BCLAF1: variants seen among roughly 807,000 people sequenced by gnomAD.
The protein encoded by BCLAF1 is BCL2 associated transcription factor 1, also known as bcl-2-associated transcription factor 1.
A neutral mutation model predicts 99.5 loss-of-function variants in BCLAF1; 10 were observed. The ratio of observed to expected loss-of-function variants is 0.10; its 90% CI spans 0.06 to 0.17. The LOEUF is 0.17. Among genes scored for constraint, BCLAF1 ranks in the 10% least tolerant of loss-of-function variants. The pLI, the probability that BCLAF1 is intolerant of heterozygous loss-of-function variation, is 1.00. For synonymous variants in BCLAF1, 255 were observed against 370.9 expected (o/e 0.69, Z 3.59); for missense variants, 636 against 1,105.8 (o/e 0.58, Z 6.02).
At chr6:136,271,161 T>C (rs1434104781) in intron 8 of BCLAF1, among the ~76,000 whole-genome samples, 1 of 151,814 alleles carries the variant, frequency 6.6e-6, no homozygotes, top group Non-Finnish European at 1.5e-5. Flanking sequence ...TGCATTCTCA[T>C]TTTTCTAATT....
At position 136,260,989 on chromosome 6, in the gene BCLAF1, T is replaced by C. The variant is rs998199203; in HGVS notation, c.*121A>G. The stretch of plus-strand genomic sequence containing the variant: ...TTGAAGACTTAAAACAAAATTTCTA[T>C]AGACTACTTGCAAACAGTAAAATTT... On this transcript the variant is annotated 3_prime_UTR_variant, in exon 13 of 13. Transcript: ENST00000531224. The C allele has an allele frequency of 7.3e-6, 8 of 1,092,768 alleles. No individual in the cohort carries two copies. The highest frequency in any genetic ancestry group is 6.5e-5 in the African/African-American group (4 of 61,428). 67.7% of individuals were successfully genotyped at this position (1,092,768 alleles called of 1,614,324 possible). A position where few individuals can be genotyped will look rare whatever the true frequency, so the allele number is the denominator to read the frequency against.
At chr6:136,263,739 A>T (rs922166372) in intron 11 of BCLAF1, among the ~76,000 whole-genome samples, 5 of 152,204 alleles carry the variant, frequency 3.3e-5, no homozygotes, top group Admixed American at 1.3e-4. Flanking sequence ...CTTTGAAGAC[A>T]GCAACTCAAC....
At position 136,257,165 on chromosome 6, in the gene BCLAF1, C is replaced by T. The variant is rs1780520086; in HGVS notation, c.*3945G>A. On this transcript the variant is annotated 3_prime_UTR_variant, in exon 13 of 13. Transcript: ENST00000531224. ...TTCAAGAATATTACCTTCTGCACTTCATAAGTGCTACAAATCAGTTCACTG... is the reference window on the plus strand; with the variant it reads ...TTCAAGAATATTACCTTCTGCACTTTATAAGTGCTACAAATCAGTTCACTG... The T allele has an allele frequency of 6.6e-6, 1 of 152,210 alleles. No individual in the cohort carries two copies. Among genetic ancestry groups the T allele is most frequent in the Non-Finnish European group, 1.5e-5 (1 of 68,044 alleles). The allele number at this position is 152,210 out of a possible 1,614,324, so 9.4% of individuals were successfully genotyped here.
chr6:136,261,539 A>C (rs1054305827), intron 11 of BCLAF1, 62 bp from the exon 12 acceptor site: 7 of 1,484,074 alleles, frequency 4.7e-6, no homozygotes, highest in Non-Finnish European at 6.5e-6. Flanking sequence ...TCATTTCTCC[A>C]ATCATAAATC....
At chr6:136,275,398 C>A in intron 6 of BCLAF1, 134 bp downstream of exon 6, 1 of 871,370 alleles carries the variant, frequency 1.1e-6, no homozygotes, top group Non-Finnish European at 1.6e-6. Context: ...TATGAAACTA[C>A]TTTTCCAAGT....
chr6:136,287,142 G>C (rs976743032), intron 1 of BCLAF1, among the ~76,000 whole-genome samples: 9 of 138,060 alleles, frequency 6.5e-5, no homozygotes, highest in Middle Eastern at 7.9e-3. Context: ...TGTGTCTCAA[G>C]AAAAAAAAAA....
At position 136,269,679 on chromosome 6, in the gene BCLAF1, ATAGAGT is replaced by A. The variant is rs907575943; in HGVS notation, c.2044-73_2044-68del. 1.5e-5 allele frequency: 18 copies of A among 1,227,296 alleles called. No homozygotes were observed. In the African/African-American group the frequency reaches 2.0e-4, roughly 14 times the overall value. The allele number at this position is 1,227,296 out of a possible 1,614,324, so 76.0% of individuals were successfully genotyped here. On this transcript the variant is annotated intron_variant, in intron 8 of 12. Transcript: ENST00000531224. ...TAGAAAAAATATATATACACATATTATAGAGTTAAATTTTATGCCAGCTTCTAAACT... is the reference window on the plus strand; with the variant it reads ...TAGAAAAAATATATATACACATATTATAAATTTTATGCCAGCTTCTAAACT...
chr6:136,283,305 A>T (rs1355050353), intron 1 of BCLAF1, among the ~76,000 whole-genome samples: 1 of 152,058 alleles, frequency 6.6e-6, no homozygotes, highest in Non-Finnish European at 1.5e-5. Context: ...CCTTTCACAC[A>T]ATTTAGTTTC....
chr6:136,284,835 G>T (rs1457860031), intron 1 of BCLAF1, among the ~76,000 whole-genome samples: 8 of 152,108 alleles, frequency 5.3e-5, no homozygotes, highest in Admixed American at 3.3e-4. Context: ...ACATTGGAGG[G>T]GGGGGAAAAG....
intron 1 of BCLAF1, among the ~76,000 whole-genome samples, chr6:136,283,600 GA>G (rs1784671205): frequency 6.6e-6 from 1 of 152,044 alleles, no homozygotes. Flanking sequence ...AGAAACTAAG[GA>G]ATACAAGATT....
At chr6:136,269,302 T>A in intron 9 of BCLAF1, 135 bp downstream of exon 9, 18 of 1,533,226 alleles carry the variant, frequency 1.2e-5, no homozygotes, top group Non-Finnish European at 1.6e-5. Flanking sequence ...AATACATTTT[T>A]GCTGTAAAAC....
intron 8 of BCLAF1, among the ~76,000 whole-genome samples, chr6:136,270,553 T>TG (rs1310239285): frequency 2.0e-5 from 3 of 151,824 alleles, no homozygotes; most frequent in African/African-American, 7.2e-5. Flanking sequence ...CTCACCTATT[T>TG]GCTCCCAGAG....
chr6:136,268,386 A>C, intron 9 of BCLAF1, 47 bp from the exon 10 acceptor site: 4 of 1,491,518 alleles, frequency 2.7e-6, no homozygotes, highest in Non-Finnish European at 3.6e-6. Context: ...AAAAAGATAA[A>C]GACCCTGCTG....
chr6:136,266,927 G>T, intron 11 of BCLAF1, 102 bp downstream of exon 11: 1 of 1,392,162 alleles, frequency 7.2e-7, no homozygotes, highest in Non-Finnish European at 9.8e-7. Flanking sequence ...CCACATAACG[G>T]TGAATCTTCT....
Position 136,275,831 on chromosome 6 carries a change from A to G in BCLAF1, c.1682+12T>C. 1.9e-6 allele frequency: 3 copies of G among 1,605,514 alleles called. No homozygotes were observed. Among genetic ancestry groups the G allele is most frequent in the Non-Finnish European group, 8.5e-7 (1 of 1,175,578 alleles). ...CCCACAGATTATTTACTGGGCATCA[A>G]TATGGAATTACCTGTTAGAATCATC... On this transcript the variant is annotated intron_variant, in intron 5 of 12. Coordinates refer to ENST00000531224, the MANE Select transcript of BCLAF1 (RefSeq NM_014739.3).
chr6:136,287,913 C>CCGAGTA (rs1237801703), intron 1 of BCLAF1, among the ~76,000 whole-genome samples: 16 of 152,094 alleles, frequency 1.1e-4, no homozygotes, highest in African/African-American at 3.9e-4. Flanking sequence ...CCCAGCTACT[C>CCGAGTA]GGGAGGCTGA....
intron 4 of BCLAF1, among the ~76,000 whole-genome samples, chr6:136,277,032 T>C (rs796564484): frequency 1.3e-5 from 2 of 152,224 alleles, no homozygotes; most frequent in South Asian, 2.1e-4. Context: ...CACTATTTCA[T>C]AGAAACTAAT....
rs760601553 is a variant in BCLAF1 at position 136,273,184 on chromosome 6, T to C, written c.1856A>G (p.Gln619Arg). The part of the protein sequence containing the change: ...IVSLVHHVKE[Q>R]YFKSAAMTLN... ...GGTCATTGCAGCTGACTTGAAGTATTGCTCTGTTGATTTAGAAGAAATACT... is the reference window on the plus strand; with the variant it reads ...GGTCATTGCAGCTGACTTGAAGTATCGCTCTGTTGATTTAGAAGAAATACT... The change falls in exon 7 of 13, where the codon CAA (glutamine) becomes CGA (arginine). Residue 619 changes from glutamine (Q) to arginine (R), a missense_variant. Physicochemically the swap from Gln to Arg is conservative, Grantham distance 43 (BLOSUM62 1). Coordinates refer to ENST00000531224, the MANE Select transcript of BCLAF1 (RefSeq NM_014739.3). The C allele has an allele frequency of 3.7e-6, 6 of 1,610,884 alleles. No individual in the cohort carries two copies. The highest frequency in any genetic ancestry group is 5.1e-6 in the Non-Finnish European group (6 of 1,177,968).
At chr6:136,285,924 C>A (rs571494681) in intron 1 of BCLAF1, among the ~76,000 whole-genome samples, 9 of 152,092 alleles carry the variant, frequency 5.9e-5, no homozygotes, top group African/African-American at 1.9e-4. Flanking sequence ...ATGGTGAAAC[C>A]CCGTCTCTAC....
Sources: allele counts gnomAD v4.1 joint callset (sites outside exome capture counted in the v4.1 genomes callset), GRCh38; gene constraint gnomAD v4.1.1; transcripts MANE v1.5; gene names NCBI Gene and HGNC (gene_info 2026-07-23, HGNC 2026-07-21).